The following CEP72 variants were observed in gnomAD, a reference collection of about 807,000 sequenced individuals.
The protein encoded by CEP72 is centrosomal protein of 72 kDa.
A neutral mutation model predicts 65.7 loss-of-function variants in CEP72; 78 were observed. That is an observed-to-expected ratio of 1.19 (90% CI 0.99 to 1.43). The LOEUF (loss-of-function observed/expected upper bound fraction) is 1.43, where lower values mean the gene tolerates loss of function less well. CEP72 is among the 40% of genes most tolerant of loss of function. The pLI, the probability that CEP72 is intolerant of heterozygous loss-of-function variation, is 0.00. For missense variants in CEP72, 914 were observed against 832.9 expected (o/e 1.10, Z -1.20); for synonymous variants, 358 against 351.7 (o/e 1.02, Z -0.20).
rs745783733 is a variant in CEP72 at position 639,119 on chromosome 5, G to C, written c.1237G>C (p.Gly413Arg). ...TCCCGGGTCACACTCGGCTCTACCC[G>C]GGAAGAAGACGGCCCTGCAGGCGGC... ...PSPGSHSALP[G>R]KKTALQAALL... is the part of the protein sequence containing the mutation. The change falls in exon 8 of 12, where the codon GGG becomes CGG. Residue 413 changes from glycine to arginine, a missense_variant. Gly to Arg is a moderately radical substitution (Grantham distance 125). Transcript: ENST00000264935. The C allele has an allele frequency of 6.2e-7, 1 of 1,613,242 alleles. No individual in the cohort carries two copies. The highest frequency in any genetic ancestry group is 1.1e-5 in the South Asian group (1 of 91,062).
downstream of CEP72, among the ~76,000 whole-genome samples, chr5:671,111 C>T (rs934667025): frequency 6.6e-6 from 1 of 152,216 alleles, no homozygotes; most frequent in Admixed American, 6.5e-5. Context: ...GCCTGAGCTC[C>T]GGAGGTCTGG....
intron 3 of CEP72, among the ~76,000 whole-genome samples, chr5:622,222 T>C (rs1409475044): frequency 6.6e-6 from 1 of 152,254 alleles, no homozygotes; most frequent in Non-Finnish European, 1.5e-5. Context: ...AAAGGAGTCC[T>C]CTTGGAAGAA....
chr5:665,988 G>A, exon 4 of CEP72: 1 of 1,500,392 alleles, frequency 6.7e-7, no homozygotes, highest in Non-Finnish European at 9.0e-7. Flanking sequence ...CTGAGATGAT[G>A]GGCGCCTTGC....
chr5:619,189 G>A (rs1049615456), intron 2 of CEP72, 72 bp downstream of exon 2: 16 of 1,439,026 alleles, frequency 1.1e-5, no homozygotes, highest in Middle Eastern at 1.8e-4. Context: ...CAGCAGAAAC[G>A]GAGTCTGTTT....
At chr5:625,816 C>A (rs560973858) in intron 4 of CEP72, among the ~76,000 whole-genome samples, 1 of 152,180 alleles carries the variant, frequency 6.6e-6, no homozygotes, top group African/African-American at 2.4e-5. Flanking sequence ...TCCCTCCAGC[C>A]CTGCTCTCAC....
intron 7 of CEP72, 138 bp downstream of exon 7, chr5:637,956 C>A: frequency 1.2e-6 from 1 of 853,490 alleles, no homozygotes; most frequent in East Asian, 2.7e-5. Flanking sequence ...ACGGCGGTGC[C>A]GTGATTACGC....
Position 640,605 on chromosome 5 carries a change from G to C in CEP72, c.1539+1G>C. On this transcript the variant is annotated splice_donor_variant, in intron 9 of 11. Coordinates refer to ENST00000264935, the MANE Select transcript of CEP72 (RefSeq NM_018140.4). LOFTEE classifies it high-confidence loss of function. ...GCTGCACCACACACACAAGGAGCTGGTGAGCCCGCCCTGGCGCTGTGTCTG... is the reference window on the plus strand; with the variant it reads ...GCTGCACCACACACACAAGGAGCTGCTGAGCCCGCCCTGGCGCTGTGTCTG... 11 of 1,610,126 alleles carry C rather than the reference G, an allele frequency of 6.8e-6. No individual in the cohort carries two copies. The highest frequency in any genetic ancestry group is 9.3e-6 in the Non-Finnish European group (11 of 1,179,034).
chr5:641,565 C>T lies in CEP72; in HGVS notation c.1539+961C>T, dbSNP rs77310508. ...ACAACACAGGCAGCCTCTGTTTAAA[C>T]GCACGTGGCCCCCCCACCCCGCCTG... On this transcript the variant is annotated intron_variant, in intron 9 of 11. Coordinates refer to ENST00000264935, the MANE Select transcript of CEP72 (RefSeq NM_018140.4). The T allele has an allele frequency of 0.01, 9,937 of 985,232 alleles. 771 individuals are homozygous for T. The African/African-American group carries it at 0.16, about 16-fold the overall frequency. The allele number at this position is 985,232 out of a possible 1,614,324, so 61.0% of individuals were successfully genotyped here.
chr5:664,456 G>A (rs1469313436), intron 2 of CEP72: 1 of 152,480 alleles, frequency 6.6e-6, no homozygotes, highest in Non-Finnish European at 1.5e-5. Context: ...TTTTACCTAG[G>A]TTGCCCTTGG....
chr5:661,887 A>C (rs918868700), downstream of CEP72: 14 of 152,326 alleles, frequency 9.2e-5, no homozygotes, highest in South Asian at 2.1e-4. Flanking sequence ...CGCATGTCTG[A>C]GAAAAGCCTG....
intron 11 of CEP72, among the ~76,000 whole-genome samples, chr5:649,198 TGACTGTGAGGTGTG>T (rs1738717045): frequency 1.0e-5 from 1 of 97,456 alleles, no homozygotes; most frequent in African/African-American, 3.9e-5. Context: ...CTGTGAGGTG[TGACTGTGAGGTGTG>T]GACTGTGAGG....
chr5:636,467 C>T (rs996860423), intron 6 of CEP72, among the ~76,000 whole-genome samples: 4 of 152,192 alleles, frequency 2.6e-5, no homozygotes, highest in African/African-American at 7.2e-5. Flanking sequence ...AAGAGTGTCA[C>T]GTGATACCAT....
At chr5:643,035 A>C (rs1055880392) in intron 9 of CEP72, 1 of 985,246 alleles carries the variant, frequency 1.0e-6, no homozygotes, top group African/African-American at 1.7e-5. Flanking sequence ...TGTTCCCTGC[A>C]CCTGTCGTGG....
intron 2 of CEP72, among the ~76,000 whole-genome samples, 197 bp downstream of exon 2, chr5:619,314 CGAT>C (rs1420532923): frequency 6.6e-6 from 1 of 152,132 alleles, no homozygotes; most frequent in Non-Finnish European, 1.5e-5. Context: ...CCTCTGATGA[CGAT>C]GATTATATCT....
intron 1 of CEP72, among the ~76,000 whole-genome samples, chr5:618,609 G>A (rs540111553): frequency 3.3e-4 from 50 of 152,294 alleles, no homozygotes; most frequent in African/African-American, 1.0e-3. Context: ...AGGGGCCGGG[G>A]GGAGTTTATA....
chr5:629,428 T>G (rs1256859130), intron 4 of CEP72, among the ~76,000 whole-genome samples: 1 of 148,624 alleles, frequency 6.7e-6, no homozygotes, highest in African/African-American at 2.5e-5. Context: ...TTTGGACCAG[T>G]CCTGGTGGGA....
intron 4 of CEP72, among the ~76,000 whole-genome samples, chr5:632,201 TG>T: frequency 1.4e-5 from 1 of 70,818 alleles, no homozygotes; most frequent in Non-Finnish European, 2.9e-5. Flanking sequence ...CCAGTCCTGG[TG>T]GGGTTCTGTC....
chr5:628,844 C>T (rs1736993010), intron 4 of CEP72, among the ~76,000 whole-genome samples: 2 of 132,928 alleles, frequency 1.5e-5, no homozygotes, highest in Admixed American at 7.5e-5. Flanking sequence ...GGCCCCAGGA[C>T]CCAGCGCCCT....
At chr5:616,831 T>TGTGTGTGTGC (rs1554010789) in intron 1 of CEP72, among the ~76,000 whole-genome samples, 10 of 147,768 alleles carry the variant, frequency 6.8e-5, no homozygotes, top group Non-Finnish European at 1.0e-4. Flanking sequence ...TGTGTGTGTG[T>TGTGTGTGTGC]GCGCGCGAGT....
Sources: allele counts gnomAD v4.1 joint callset (sites outside exome capture counted in the v4.1 genomes callset), GRCh38; gene constraint gnomAD v4.1.1; transcripts MANE v1.5; gene names NCBI Gene and HGNC (gene_info 2026-07-23, HGNC 2026-07-21).